Variants in AGXT2 observed in about 807,000 individuals in gnomAD.
AGXT2 encodes the protein alanine--glyoxylate aminotransferase 2, mitochondrial.
In AGXT2, 61 loss-of-function variants were observed where a neutral mutation model predicts 62.5. That is an observed-to-expected ratio of 0.98 (90% CI 0.79 to 1.21). The LOEUF (loss-of-function observed/expected upper bound fraction) is 1.21. AGXT2 is among the 50% of genes most tolerant of loss of function. The pLI is 0.00. For synonymous variants in AGXT2, 243 were observed against 218.7 expected (o/e 1.11, Z -0.98); for missense variants, 666 against 641.5 (o/e 1.04, Z -0.41).
rs2112312945 is a variant in AGXT2 at position 35,047,845 on chromosome 5, A to G, written c.48T>C (p.Thr16=). The G allele has an allele frequency of 6.2e-7, 1 of 1,614,142 alleles. No individual in the cohort carries two copies. Among genetic ancestry groups the G allele is most frequent in the Non-Finnish European group, 8.5e-7 (1 of 1,180,012 alleles). Residue 16 remains threonine, a synonymous_variant, in exon 1 of 14, where the codon ACT becomes ACC. Transcript: ENST00000231420. The stretch of plus-strand genomic sequence containing the variant: ...GCATCTCAAGGATCCTGGGAGCGGA[A>G]GTGACCAGGCACAAGGGTCTCAGCA... The part of the protein sequence containing the change: ...RHLLRPLCLV[T]SAPRILEMHP...
Position 35,010,135 on chromosome 5 carries a change from T to G in AGXT2, c.1203A>C (p.Glu401Asp). ...GSAVLEVIKE[E>D]NLQENSQEVG... Reference sequence around the variant, plus strand: ...CTTCTTGACTGTTTTCCTGTAGATTTTCTTCTTTAATCACCTGTTAAGAGA... The same window carrying G: ...CTTCTTGACTGTTTTCCTGTAGATTGTCTTCTTTAATCACCTGTTAAGAGA... Residue 401 changes from glutamate (E) to aspartate (D), a missense_variant, in exon 12 of 14, where the codon GAA becomes GAC. Coordinates refer to ENST00000231420, the MANE Select transcript of AGXT2 (RefSeq NM_031900.4). 1 of 1,614,224 alleles carries G rather than the reference T, an allele frequency of 6.2e-7. No individual in the cohort carries two copies. Among genetic ancestry groups the G allele is most frequent in the Admixed American group, 1.7e-5 (1 of 60,024 alleles).
intron 9 of AGXT2, 144 bp downstream of exon 9, chr5:35,025,619 C>T: frequency 2.5e-6 from 2 of 799,768 alleles, no homozygotes; most frequent in East Asian, 2.7e-5. Flanking sequence ...AGCCCACTAG[C>T]ACAAATTTCA....
chr5:35,045,751 CTTTTTCTTTTTTCTTTTTTT>C (rs1561238519), intron 1 of AGXT2, among the ~76,000 whole-genome samples: 5 of 133,224 alleles, frequency 3.8e-5, no homozygotes, highest in Non-Finnish European at 1.6e-5. Flanking sequence ...TGGTTTTTTT[CTTTTTCTTTTTTCTTTTTTT>C]TTTTTTTTTT....
chr5:35,012,638 AC>A (rs1164751203), intron 11 of AGXT2: 2 of 353,412 alleles, frequency 5.7e-6, no homozygotes, highest in African/African-American at 4.2e-5. Flanking sequence ...GAAACTAAAT[AC>A]AAGGATAGCA....
intron 9 of AGXT2, among the ~76,000 whole-genome samples, chr5:35,017,824 A>G (rs1406229253): frequency 6.6e-6 from 1 of 152,196 alleles, no homozygotes; most frequent in Non-Finnish European, 1.5e-5. Context: ...GAAAACTTTG[A>G]AAAAAATTTA....
At position 35,036,968 on chromosome 5, in the gene AGXT2, C is replaced by T. The variant is rs1378061780; in HGVS notation, c.460G>A (p.Ala154Thr). ...PPMHEYAEKL[A>T]ALLPEPLKVI... ...TTAAGAGGCTCAGGAAGAAGTGCGG[C>T]AAGCTTCTCTGCATATTCATGCATT... Residue 154 changes from alanine to threonine, a missense_variant, in exon 4 of 14, where the codon GCC (alanine) becomes ACC (threonine). Ala to Thr is a moderately conservative substitution (Grantham distance 58). Transcript: ENST00000231420. 4.3e-6 allele frequency: 7 copies of T among 1,614,052 alleles called. No individual in the cohort carries two copies. Among genetic ancestry groups the T allele is most frequent in the Non-Finnish European group, 5.9e-6 (7 of 1,180,014 alleles).
intron 9 of AGXT2, among the ~76,000 whole-genome samples, chr5:35,024,702 C>G (rs988954481): frequency 5.9e-5 from 9 of 152,222 alleles, no homozygotes; most frequent in Middle Eastern, 3.2e-3. Context: ...GGCGCGGTGG[C>G]TCATGCCTGT....
intron 1 of AGXT2, among the ~76,000 whole-genome samples, chr5:35,041,324 A>G (rs1365128214): frequency 7.2e-6 from 1 of 139,480 alleles, no homozygotes; most frequent in East Asian, 2.0e-4. Context: ...GGGACCTTAC[A>G]TTTGTGTGTG....
chr5:35,012,841 G>T, intron 11 of AGXT2, 113 bp downstream of exon 11: 2 of 984,916 alleles, frequency 2.0e-6, no homozygotes, highest in South Asian at 1.4e-5. Context: ...GATAAACTAT[G>T]AATTAACTCT....
intron 5 of AGXT2, among the ~76,000 whole-genome samples, chr5:35,033,834 G>T (rs190880784): frequency 2.0e-5 from 3 of 152,182 alleles, no homozygotes; most frequent in African/African-American, 7.2e-5. Context: ...CCATAGTAAT[G>T]AGACTCATCT....
At chr5:35,016,660 C>T (rs1246532701) in intron 9 of AGXT2, among the ~76,000 whole-genome samples, 2 of 152,116 alleles carry the variant, frequency 1.3e-5, no homozygotes, top group African/African-American at 4.8e-5. Context: ...TTTGCTTGCT[C>T]CCCCAAATAA....
chr5:35,025,150 C>G lies in AGXT2; in HGVS notation c.963+613G>C, dbSNP rs375033933. Among the ~76,000 whole-genome samples the G allele has an allele frequency of 6.2e-4, 95 of 152,252 alleles. 1 individual carries two copies. Among genetic ancestry groups the G allele is most frequent in the African/African-American group, 2.2e-3 (93 of 41,536 alleles). ...CAGTACTTTGGGAGGCCAAGGCGGG[C>G]GGATCACTTGAGGTCAGGAATTCAA... On this transcript the variant is annotated intron_variant, in intron 9 of 13. Coordinates refer to ENST00000231420, the MANE Select transcript of AGXT2 (RefSeq NM_031900.4).
In AGXT2 at chr5:35,032,890, T is replaced by TA; in HGVS notation, c.676-66dup. ...ACAAGACAGCCAAGTTAGGGTAGCA[T>TA]ATGGCTGCCATCAAGACAAGAGGGC... On this transcript the variant is annotated intron_variant, in intron 6 of 13. Transcript: ENST00000231420. The TA allele has an allele frequency of 3.0e-6, 4 of 1,316,186 alleles. No homozygotes were observed. In the Middle Eastern group the frequency reaches 5.4e-4, roughly 178 times the overall value. 81.5% of individuals were successfully genotyped at this position (1,316,186 alleles called of 1,614,324 possible).
Position 35,035,444 on chromosome 5 carries a change from T to C in AGXT2, c.487-128A>G. 5.3e-6 allele frequency: 4 copies of C among 758,680 alleles called. No individual in the cohort carries two copies. The Admixed American group carries it at 7.8e-5, about 15-fold the overall frequency. The allele number at this position is 758,680 out of a possible 1,614,324, so 47.0% of individuals were successfully genotyped here. A position where few individuals can be genotyped will look rare whatever the true frequency, so the allele number is the denominator to read the frequency against. ...GAGTTCCCTTCAGACCAGCTCGGGT[T>C]ACCCAGCAGTTCCATCATTTAACCA... On this transcript the variant is annotated intron_variant, in intron 4 of 13. Coordinates refer to ENST00000231420, the MANE Select transcript of AGXT2 (RefSeq NM_031900.4).
intron 12 of AGXT2, among the ~76,000 whole-genome samples, chr5:35,007,024 A>G (rs1197967511): frequency 6.6e-6 from 1 of 152,218 alleles, no homozygotes; most frequent in Non-Finnish European, 1.5e-5. Flanking sequence ...GTCCCTCAAA[A>G]TTCATATATT....
intron 9 of AGXT2, among the ~76,000 whole-genome samples, chr5:35,016,149 G>A (rs745867405): frequency 8.5e-5 from 13 of 152,132 alleles, no homozygotes; most frequent in African/African-American, 1.9e-4. Flanking sequence ...GTCTTCCTGC[G>A]TGTCTTTCTT....
rs17245714 is a variant in AGXT2, at chr5:34,998,789, G to C, written c.1475C>G (p.Pro492Arg). Reference protein sequence around the residue: ...RIAPSMCITKPEVDFAVEVFR... With the variant: ...RIAPSMCITKREVDFAVEVFR... ...TACTTCTACTGCAAAATCAACTTCT[G>C]GTTTAGTGATGCACATTGAGGGCGC... Residue 492 changes from proline to arginine, a missense_variant, in exon 14 of 14, where the codon CCA becomes CGA. By Grantham distance (103) the Pro-to-Arg change is moderately radical (BLOSUM62 -2). Coordinates refer to ENST00000231420, the MANE Select transcript of AGXT2 (RefSeq NM_031900.4). 105,169 of 1,613,636 alleles carry C rather than the reference G, an allele frequency of 0.065. 4,060 individuals are homozygous for C. Among genetic ancestry groups the C allele is most frequent in the South Asian group, 0.12 (11,292 of 91,068 alleles).
chr5:35,039,288 T>C (rs766614834), intron 3 of AGXT2, 36 bp downstream of exon 3: 16 of 1,602,430 alleles, frequency 1.0e-5, no homozygotes, highest in Non-Finnish European at 1.2e-5. Context: ...ATGCATTCTT[T>C]TGGAATAAAA....
chr5:35,023,914 G>C (rs1208055825), intron 9 of AGXT2, among the ~76,000 whole-genome samples: 2 of 149,528 alleles, frequency 1.3e-5, no homozygotes, highest in African/African-American at 4.9e-5. Flanking sequence ...TTTATTTTGA[G>C]ATGGAGTTTT....
Sources: allele counts gnomAD v4.1 joint callset (sites outside exome capture counted in the v4.1 genomes callset), GRCh38; gene constraint gnomAD v4.1.1; transcripts MANE v1.5; gene names NCBI Gene and HGNC (gene_info 2026-07-23, HGNC 2026-07-21).